LATS2: variants seen among roughly 807,000 people sequenced by gnomAD.
LATS2 encodes the protein large tumor suppressor kinase 2, also known as serine/threonine-protein kinase LATS2.
A neutral mutation model predicts 76.0 loss-of-function variants in LATS2; 24 were observed. That is an observed-to-expected ratio of 0.32 (90% CI 0.23 to 0.44). The LOEUF is 0.44. LATS2 is among the 20% of genes least tolerant of loss of function. The pLI is 1.00. For synonymous variants in LATS2, 692 were observed against 635.4 expected, an observed-to-expected ratio of 1.09 and a Z score of -1.34; for missense variants, 1,286 against 1,481.2, an observed-to-expected ratio of 0.87 and a Z score of 2.16.
intron 7 of LATS2, among the ~76,000 whole-genome samples, chr13:20,979,301 C>T (rs1461411119): frequency 6.6e-6 from 1 of 152,090 alleles, no homozygotes; most frequent in African/African-American, 2.4e-5. Context: ...GCACCCCAAA[C>T]CCCTCATTGC....
intron 1 of LATS2, among the ~76,000 whole-genome samples, chr13:21,050,147 G>GATAGATAC (rs71200328): frequency 5.6e-5 from 3 of 53,786 alleles, no homozygotes; most frequent in African/African-American, 1.4e-4. Context: ...TAGATAGATA[G>GATAGATAC]ATACATACAT....
chr13:21,040,450 C>T (rs1261909424), intron 2 of LATS2, among the ~76,000 whole-genome samples: 3 of 151,742 alleles, frequency 2.0e-5, no homozygotes, highest in Non-Finnish European at 2.9e-5. Context: ...AGGAACAGCT[C>T]GATCCAGGTG....
At chr13:21,005,971 GGAGTGGTGGCGCATGTCTGTAATC>G (rs1180254717) in intron 2 of LATS2, among the ~76,000 whole-genome samples, 14 of 152,026 alleles carry the variant, frequency 9.2e-5, no homozygotes, top group Middle Eastern at 3.4e-3. Context: ...AAATTAGCCG[GGAGTGGTGGCGCATGTCTGTAATC>G]GAGTGGTGGC....
intron 2 of LATS2, among the ~76,000 whole-genome samples, chr13:21,013,946 G>A (rs1483762386): frequency 1.3e-5 from 2 of 151,734 alleles, no homozygotes; most frequent in African/African-American, 2.4e-5. Context: ...ACTCCAGCCT[G>A]GGCAACAGAG....
chr13:20,982,058 T>G, intron 5 of LATS2, among the ~76,000 whole-genome samples: 1 of 152,188 alleles, frequency 6.6e-6, no homozygotes. Context: ...TTAAACAACA[T>G]GAACAAAGGT....
intron 7 of LATS2, among the ~76,000 whole-genome samples, 179 bp from the exon 8 acceptor site, chr13:20,975,543 G>A (rs547460221): frequency 1.3e-5 from 2 of 152,272 alleles, no homozygotes; most frequent in Admixed American, 6.5e-5. Context: ...CATTTCAGTC[G>A]ATGGCTCACA....
At chr13:21,043,335 T>TA (rs879375520) in intron 2 of LATS2, among the ~76,000 whole-genome samples, 56 of 142,596 alleles carry the variant, frequency 3.9e-4, no homozygotes, top group East Asian at 1.2e-3. Flanking sequence ...AGACACCGTC[T>TA]AAAAAAAAAA....
At chr13:21,030,153 C>T (rs1017040852) in intron 2 of LATS2, among the ~76,000 whole-genome samples, 1 of 151,244 alleles carries the variant, frequency 6.6e-6, no homozygotes, top group African/African-American at 2.4e-5. Context: ...AAATCCACCC[C>T]CATGGTCTAA....
Position 21,045,855 on chromosome 13 carries a change from T to C in LATS2, c.172A>G (p.Thr58Ala), listed in dbSNP as rs776495638. The C allele has an allele frequency of 6.2e-7, 1 of 1,614,266 alleles. No individual in the cohort carries two copies. The highest frequency in any genetic ancestry group is 1.1e-5 in the South Asian group (1 of 91,092). Residue 58 changes from threonine (T) to alanine (A), a missense_variant, in exon 2 of 8, where the codon ACC (threonine) becomes GCC (alanine). This residue lies in a region of LATS2 where 101 missense variants were observed against 141.4 expected (regional missense o/e 0.71). Coordinates refer to ENST00000382592, the MANE Select transcript of LATS2 (RefSeq NM_014572.3). ...DAKVLGSKDA[T>A]RQQQQMRATP... is the part of the protein sequence containing the mutation. ...GCTCTCATCTGCTGCTGCTGCCTGG[T>C]GGCATCTTTGCTCCCCAGGACTTTG... is the stretch of plus-strand genomic sequence containing the variant.
intron 2 of LATS2, among the ~76,000 whole-genome samples, chr13:21,020,415 A>G (rs1488704193): frequency 6.6e-6 from 1 of 152,242 alleles, no homozygotes; most frequent in Non-Finnish European, 1.5e-5. Context: ...GCCTCACCGC[A>G]CTGCCTCTAG....
In LATS2 at chr13:20,988,548, C is replaced by G; in HGVS notation, c.1232G>C (p.Ser411Thr). Residue 411 changes from serine (S) to threonine (T), a missense_variant, in exon 4 of 8, where the codon AGC (serine) becomes ACC (threonine). Physicochemically the swap from Ser to Thr is moderately conservative, Grantham distance 58. Coordinates refer to ENST00000382592, the MANE Select transcript of LATS2 (RefSeq NM_014572.3). ...AGGCGGACCGGGCCGCGGCTGGTGG[C>G]TGTTGAAGGAGTTGGTCCTGCTGGG... is the stretch of plus-strand genomic sequence containing the variant. ...PVPSRTNSFN[S>T]HQPRPGPPGK... is the part of the protein sequence containing the mutation. The G allele has an allele frequency of 6.3e-7, 1 of 1,581,266 alleles. No homozygotes were observed. Among genetic ancestry groups the G allele is most frequent in the Admixed American group, 1.8e-5 (1 of 57,128 alleles).
At chr13:20,990,784 CAG>C (rs1226800091) in intron 3 of LATS2, among the ~76,000 whole-genome samples, 2 of 152,176 alleles carry the variant, frequency 1.3e-5, no homozygotes, top group African/African-American at 4.8e-5. Flanking sequence ...AGGCCCATCA[CAG>C]GGGATGCTGA....
At chr13:20,994,609 A>C (rs1447026931) in intron 2 of LATS2, among the ~76,000 whole-genome samples, 1 of 152,166 alleles carries the variant, frequency 6.6e-6, no homozygotes, top group Non-Finnish European at 1.5e-5. Context: ...ATGTATGGAG[A>C]CCAAGCTGGA....
chr13:21,047,749 T>C (rs1565965678), intron 1 of LATS2, among the ~76,000 whole-genome samples: 1 of 151,458 alleles, frequency 6.6e-6, no homozygotes, highest in Non-Finnish European at 1.5e-5. Flanking sequence ...CCTTACTATG[T>C]GTCAGGTGCG....
chr13:20,976,867 T>C (rs772750384), intron 7 of LATS2, among the ~76,000 whole-genome samples: 11 of 152,184 alleles, frequency 7.2e-5, no homozygotes, highest in Admixed American at 2.0e-4. Flanking sequence ...GCAGCCACTA[T>C]GGCAAACAGT....
At chr13:21,058,363 C>A (rs1471887869) in intron 1 of LATS2, among the ~76,000 whole-genome samples, 1 of 152,230 alleles carries the variant, frequency 6.6e-6, no homozygotes, top group Non-Finnish European at 1.5e-5. Context: ...TCTCCCCTAA[C>A]CCCAGCTTCC....
In LATS2 at chr13:20,987,943, C is replaced by A; in HGVS notation, c.1837G>T (p.Val613Phe). The A allele has an allele frequency of 6.2e-7, 1 of 1,614,254 alleles. No homozygotes were observed. Among genetic ancestry groups the A allele is most frequent in the Non-Finnish European group, 8.5e-7 (1 of 1,180,038 alleles). The change falls in exon 4 of 8, where the codon GTC becomes TTC. Residue 613 changes from valine to phenylalanine, a missense_variant. By Grantham distance (50) the Val-to-Phe change is conservative. Coordinates refer to ENST00000382592, the MANE Select transcript of LATS2 (RefSeq NM_014572.3). ...KFFMEQHVENVIKTYQQKVNR... is the reference protein window; with the variant it reads ...KFFMEQHVENFIKTYQQKVNR... ...ACCTTCTGCTGGTAGGTTTTGATGA[C>A]ATTCTCCACGTGCTGCTCCATGAAG...
rs760446066 is a variant in LATS2 at position 20,975,189 on chromosome 13, C to T, written c.2948G>A (p.Arg983Gln). 4.3e-6 allele frequency: 7 copies of T among 1,614,132 alleles called. No individual in the cohort carries two copies. The highest frequency in any genetic ancestry group is 1.3e-5 in the African/African-American group (1 of 75,042). ...GGGAACGTAGGGGGCTGGCTGCTTC[C>T]GGATGTCACTGGAGAAGTCAATGGC... is the stretch of plus-strand genomic sequence containing the variant. Reference protein sequence around the residue: ...FSAIDFSSDIRKQPAPYVPTI... With the variant: ...FSAIDFSSDIQKQPAPYVPTI... The change falls in exon 8 of 8, where the codon CGG (arginine) becomes CAG (glutamine). Residue 983 changes from arginine (R) to glutamine (Q), a missense_variant. Transcript: ENST00000382592.
At chr13:21,040,737 G>T (rs1565963202) in intron 2 of LATS2, among the ~76,000 whole-genome samples, 1 of 152,132 alleles carries the variant, frequency 6.6e-6, no homozygotes, top group Non-Finnish European at 1.5e-5. Context: ...CTGGCCAGCT[G>T]CCAGGGACGT....
Sources: gnomAD v4.1 joint callset for allele counts (sites outside exome capture counted in the v4.1 genomes callset) on GRCh38, gnomAD v4.1.1 for gene constraint, gnomAD v4.1.1 regional missense constraint, MANE v1.5 for transcripts, NCBI Gene and HGNC (gene_info 2026-07-23, HGNC 2026-07-21) for gene names.